FBXL4: variants seen among roughly 807,000 people sequenced by gnomAD.
FBXL4 encodes F-box/LRR-repeat protein 4.
A neutral mutation model predicts 58.9 loss-of-function variants in FBXL4; 40 were observed. The ratio of observed to expected loss-of-function variants is 0.68; its 90% confidence interval spans 0.53 to 0.88. The LOEUF (loss-of-function observed/expected upper bound fraction) is 0.88. Ranked by LOEUF, FBXL4 falls within the 40% of genes least tolerant of loss-of-function variation. The probability of loss-of-function intolerance (pLI) is 0.00; values close to 1 mark genes in which losing one functional copy is unlikely to be tolerated. For missense variants in FBXL4, 676 were observed against 734.4 expected, an observed-to-expected ratio of 0.92 and a Z score of 0.92; for synonymous variants, 263 against 265.5, an observed-to-expected ratio of 0.99 and a Z score of 0.09.
intron 7 of FBXL4, chr6:98,898,974 C>A: frequency 1.0e-6 from 1 of 985,350 alleles, no homozygotes; most frequent in Non-Finnish European, 1.2e-6. Flanking sequence ...TAATTCATTC[C>A]CTGCCAGCAT....
chr6:98,882,046 G>A (rs1193988997), intron 7 of FBXL4, among the ~76,000 whole-genome samples: 1 of 151,804 alleles, frequency 6.6e-6, no homozygotes, highest in East Asian at 1.9e-4. Flanking sequence ...ATAAATTCTT[G>A]TTGGTAAGAA....
chr6:98,899,186 CATT>C (rs1343315170), intron 7 of FBXL4, 79 bp downstream of exon 7: 3 of 1,554,362 alleles, frequency 1.9e-6, no homozygotes, highest in Admixed American at 2.0e-5. Flanking sequence ...ATAAAAAACA[CATT>C]ATTATGAGCA....
intron 5 of FBXL4, 145 bp from the exon 6 acceptor site, chr6:98,905,815 A>C (rs1771789619): frequency 2.4e-6 from 2 of 848,718 alleles, no homozygotes; most frequent in African/African-American, 3.4e-5. Flanking sequence ...CAACAGAATT[A>C]TCCAAATAAA....
At chr6:98,936,677 C>T (rs1215675430) in intron 1 of FBXL4, among the ~76,000 whole-genome samples, 1 of 152,090 alleles carries the variant, frequency 6.6e-6, no homozygotes, top group Non-Finnish European at 1.5e-5. Context: ...GTATACAATA[C>T]ATATAACATA....
At chr6:98,909,048 T>C (rs750360158) in intron 5 of FBXL4, among the ~76,000 whole-genome samples, 5 of 152,218 alleles carry the variant, frequency 3.3e-5, no homozygotes, top group Non-Finnish European at 7.3e-5. Flanking sequence ...TAATTGGGAC[T>C]TCATTGAATA....
intron 4 of FBXL4, among the ~76,000 whole-genome samples, chr6:98,924,308 G>GTGGCTC (rs1772691269): frequency 6.6e-6 from 1 of 152,176 alleles, no homozygotes; most frequent in East Asian, 1.9e-4. Context: ...TGTAATTCCA[G>GTGGCTC]CACTTTGGGA....
intron 6 of FBXL4, among the ~76,000 whole-genome samples, chr6:98,900,400 G>A (rs1374550444): frequency 1.3e-5 from 2 of 152,104 alleles, no homozygotes; most frequent in African/African-American, 4.8e-5. Context: ...ATGATTTAAT[G>A]AGCTTACAAA....
In FBXL4 at chr6:98,886,330, G is replaced by A. The variant is rs113901828; in HGVS notation, c.1318-5706C>T. Among the ~76,000 whole-genome samples, 1,426 of 152,272 alleles carry A rather than the reference G, an allele frequency of 9.4e-3. 12 individuals carry two copies. The highest frequency in any genetic ancestry group is 0.014 in the South Asian group (68 of 4,824). ...ATTTATTGATTGAGATTGTGTGGGT[G>A]TGTATAAAACTTACAGCAGTGTCTG... On this transcript the variant is annotated intron_variant, in intron 7 of 9. Transcript: ENST00000369244.
At chr6:98,899,027 A>G (rs1400158064) in intron 7 of FBXL4, 2 of 985,304 alleles carry the variant, frequency 2.0e-6, no homozygotes, top group Non-Finnish European at 2.4e-6. Flanking sequence ...TCCTGGGGAC[A>G]TAAATAGCAT....
chr6:98,921,170 G>C (rs1220794831), intron 4 of FBXL4, among the ~76,000 whole-genome samples: 1 of 152,078 alleles, frequency 6.6e-6, no homozygotes, highest in Non-Finnish European at 1.5e-5. Context: ...GATTGTACTG[G>C]ATGACTACTA....
At chr6:98,932,781 T>C (rs935485673) in intron 2 of FBXL4, among the ~76,000 whole-genome samples, 3 of 151,908 alleles carry the variant, frequency 2.0e-5, no homozygotes, top group Non-Finnish European at 2.9e-5. Flanking sequence ...TCTCAAGTTA[T>C]ACTACAGTGA....
chr6:98,914,019 CAG>C (rs1467026566), intron 5 of FBXL4, among the ~76,000 whole-genome samples: 1 of 152,182 alleles, frequency 6.6e-6, no homozygotes, highest in Non-Finnish European at 1.5e-5. Flanking sequence ...AAACTACCAT[CAG>C]AGAATACTAC....
At chr6:98,892,285 A>T (rs1771258169) in intron 7 of FBXL4, among the ~76,000 whole-genome samples, 2 of 152,228 alleles carry the variant, frequency 1.3e-5, no homozygotes, top group Non-Finnish European at 2.9e-5. Flanking sequence ...ATGACAACTA[A>T]CAACATCCTG....
chr6:98,909,096 A>G (rs568526570), intron 5 of FBXL4, among the ~76,000 whole-genome samples: 1 of 152,286 alleles, frequency 6.6e-6, no homozygotes, highest in East Asian at 1.9e-4. Context: ...ACTTTATTGT[A>G]TTTTCCTACT....
At chr6:98,929,128 A>C (rs944365128) in intron 2 of FBXL4, among the ~76,000 whole-genome samples, 11 of 152,216 alleles carry the variant, frequency 7.2e-5, no homozygotes, top group Non-Finnish European at 1.2e-4. Flanking sequence ...AAAAATCTAA[A>C]ATAATTTTAA....
Position 98,917,692 on chromosome 6 carries a change from A to C in FBXL4, c.540T>G (p.Pro180=), listed in dbSNP as rs760238524. 1.3e-4 allele frequency: 202 copies of C among 1,608,708 alleles called. No individual in the cohort carries two copies. The highest frequency in any genetic ancestry group is 1.6e-4 in the Non-Finnish European group (192 of 1,177,664). ...GAGCTTGGGAAGCATTCACCTTCGT[A>C]GGTCTCTCTGACCAAAGAATCTCCC... ...VRWEILWSER[P]TKVNASQARQ... is the part of the protein sequence containing the mutation. Residue 180 remains proline, a synonymous_variant, in exon 5 of 10, where the codon CCT becomes CCG. Transcript: ENST00000369244.
At chr6:98,895,489 G>C (rs756862971) in intron 7 of FBXL4, among the ~76,000 whole-genome samples, 3 of 152,118 alleles carry the variant, frequency 2.0e-5, no homozygotes, top group Non-Finnish European at 4.4e-5. Flanking sequence ...AAATAGCCAA[G>C]CTATCAGAAT....
chr6:98,936,406 T>C (rs1481969514), intron 1 of FBXL4, among the ~76,000 whole-genome samples: 2 of 152,154 alleles, frequency 1.3e-5, no homozygotes, highest in Non-Finnish European at 2.9e-5. Context: ...TGAAATAATA[T>C]GGTATGTATG....
chr6:98,926,196 T>A (rs1461644224), intron 4 of FBXL4, among the ~76,000 whole-genome samples: 1 of 152,180 alleles, frequency 6.6e-6, no homozygotes, highest in Non-Finnish European at 1.5e-5. Context: ...GAATGGCCCA[T>A]GTCCCTATGA....
Sources: allele counts gnomAD v4.1 joint callset (sites outside exome capture counted in the v4.1 genomes callset), GRCh38; gene constraint gnomAD v4.1.1; transcripts MANE v1.5; gene names NCBI Gene and HGNC (gene_info 2026-07-23, HGNC 2026-07-21).